MARCHF1: variants seen among roughly 807,000 people sequenced by gnomAD.
The protein encoded by MARCHF1 is E3 ubiquitin-protein ligase MARCHF1.
Under a neutral mutation model 54.2 loss-of-function variants are expected in MARCHF1, and 40 were observed. That is an observed-to-expected ratio of 0.74 (90% CI 0.57 to 0.96). MARCHF1 has a LOEUF of 0.96. MARCHF1 is among the 40% of genes least tolerant of loss of function. The pLI, the probability that MARCHF1 is intolerant of heterozygous loss-of-function variation, is 0.00. For missense variants in MARCHF1, 586 were observed against 656.5 expected (o/e 0.89, Z 1.17); for synonymous variants, 236 against 236.3 (o/e 1.00, Z 0.01).
intron 1 of MARCHF1, among the ~76,000 whole-genome samples, chr4:164,320,656 C>T (rs1735116918): frequency 1.3e-5 from 2 of 152,174 alleles, no homozygotes; most frequent in Admixed American, 6.5e-5. Context: ...AAACAGAAAA[C>T]CGGTCAATTT....
At chr4:164,308,872 T>G (rs1226278405) in intron 1 of MARCHF1, among the ~76,000 whole-genome samples, 1 of 151,618 alleles carries the variant, frequency 6.6e-6, no homozygotes, top group Non-Finnish European at 1.5e-5. Context: ...TAGTGCCTGG[T>G]TGATGAAATA....
intron 1 of MARCHF1, among the ~76,000 whole-genome samples, chr4:164,224,775 T>C (rs552598538): frequency 6.6e-6 from 1 of 152,190 alleles, no homozygotes; most frequent in Non-Finnish European, 1.5e-5. Flanking sequence ...TTAAATATCA[T>C]ATTAACTTTA....
intron 2 of MARCHF1, among the ~76,000 whole-genome samples, chr4:163,989,172 C>G (rs1336743674): frequency 6.6e-6 from 1 of 152,132 alleles, no homozygotes; most frequent in Non-Finnish European, 1.5e-5. Flanking sequence ...AGCCAAATCT[C>G]TTCCTTGAGA....
At chr4:164,035,260 A>T (rs1254510044) in intron 2 of MARCHF1, among the ~76,000 whole-genome samples, 1 of 152,102 alleles carries the variant, frequency 6.6e-6, no homozygotes, top group South Asian at 2.1e-4. Context: ...TCAGAAACAT[A>T]TAAGTCATTA....
At chr4:164,144,027 T>C (rs973038934) in intron 1 of MARCHF1, among the ~76,000 whole-genome samples, 5 of 152,158 alleles carry the variant, frequency 3.3e-5, no homozygotes, top group Non-Finnish European at 7.3e-5. Flanking sequence ...AATCCTAGTC[T>C]CTGATAAAAC....
chr4:163,941,597 A>G (rs1030142986), intron 3 of MARCHF1, among the ~76,000 whole-genome samples: 2 of 152,122 alleles, frequency 1.3e-5, no homozygotes, highest in East Asian at 1.9e-4. Context: ...CATAACAAAC[A>G]ACAAAATACA....
chr4:164,031,618 T>C (rs1455750762), intron 2 of MARCHF1, among the ~76,000 whole-genome samples: 1 of 152,186 alleles, frequency 6.6e-6, no homozygotes, highest in Non-Finnish European at 1.5e-5. Context: ...TTTCTGTGTA[T>C]GTGACGGATT....
At chr4:164,168,804 C>CTGAT (rs1437791632) in intron 1 of MARCHF1, among the ~76,000 whole-genome samples, 1 of 152,018 alleles carries the variant, frequency 6.6e-6, no homozygotes, top group African/African-American at 2.4e-5. Flanking sequence ...AACTTTACTA[C>CTGAT]TGATAGCCTA....
intron 5 of MARCHF1, among the ~76,000 whole-genome samples, chr4:163,628,035 G>T (rs1741934194): frequency 6.6e-6 from 1 of 151,982 alleles, no homozygotes; most frequent in South Asian, 2.1e-4. Flanking sequence ...AGATTTTCTA[G>T]ATGAGGCACT....
intron 5 of MARCHF1, among the ~76,000 whole-genome samples, chr4:163,672,081 G>T (rs1047406532): frequency 6.6e-6 from 1 of 152,028 alleles, no homozygotes; most frequent in African/African-American, 2.4e-5. Context: ...CAGGCTCAGG[G>T]GTCTGATATC....
intron 4 of MARCHF1, among the ~76,000 whole-genome samples, chr4:163,763,075 T>C (rs985901945): frequency 6.6e-6 from 1 of 152,060 alleles, no homozygotes; most frequent in African/African-American, 2.4e-5. Flanking sequence ...AGAGAAACCT[T>C]AAATGAGACT....
intron 2 of MARCHF1, among the ~76,000 whole-genome samples, chr4:164,047,034 T>G (rs1276565215): frequency 6.6e-6 from 1 of 152,198 alleles, no homozygotes; most frequent in African/African-American, 2.4e-5. Flanking sequence ...CAAGAAAATG[T>G]AAACTTTTAT....
At chr4:164,148,529 T>G (rs1729836316) in intron 1 of MARCHF1, among the ~76,000 whole-genome samples, 1 of 152,166 alleles carries the variant, frequency 6.6e-6, no homozygotes, top group African/African-American at 2.4e-5. Flanking sequence ...ATGTTTTCAG[T>G]CTGTAAAAAT....
chr4:163,839,385 A>C (rs1324432000), intron 4 of MARCHF1, among the ~76,000 whole-genome samples: 1 of 152,092 alleles, frequency 6.6e-6, no homozygotes, highest in Non-Finnish European at 1.5e-5. Context: ...AGAATATAAA[A>C]ATATAGGTTC....
chr4:163,834,662 T>C (rs969516456), intron 4 of MARCHF1, among the ~76,000 whole-genome samples: 2 of 130,698 alleles, frequency 1.5e-5, no homozygotes, highest in Non-Finnish European at 3.1e-5. Context: ...ATGGATGAAA[T>C]TGGAAATCAT....
intron 3 of MARCHF1, among the ~76,000 whole-genome samples, chr4:163,912,971 CTAGA>C (rs1751227521): frequency 6.6e-6 from 1 of 152,066 alleles, no homozygotes; most frequent in Non-Finnish European, 1.5e-5. Flanking sequence ...AAGGCTCTTC[CTAGA>C]TAAATGACAC....
intron 5 of MARCHF1, among the ~76,000 whole-genome samples, chr4:163,657,119 T>A (rs998719885): frequency 1.3e-5 from 2 of 152,126 alleles, no homozygotes; most frequent in African/African-American, 4.8e-5. Flanking sequence ...GAGCTCAAGT[T>A]GTCTTTGTTT....
chr4:164,115,372 A>T (rs778791107), intron 1 of MARCHF1, among the ~76,000 whole-genome samples: 1 of 152,092 alleles, frequency 6.6e-6, no homozygotes, highest in Non-Finnish European at 1.5e-5. Context: ...AAATGAAGAT[A>T]TGGCATGTTG....
intron 1 of MARCHF1, among the ~76,000 whole-genome samples, chr4:164,240,480 T>C (rs957687185): frequency 1.2e-4 from 18 of 152,122 alleles, no homozygotes; most frequent in Non-Finnish European, 2.1e-4. Context: ...TGCTCCCAGA[T>C]TGTTACTCCC....
Sources: gnomAD v4.1 joint callset for allele counts (sites outside exome capture counted in the v4.1 genomes callset) on GRCh38, gnomAD v4.1.1 for gene constraint, MANE v1.5 for transcripts, NCBI Gene and HGNC (gene_info 2026-07-23, HGNC 2026-07-21) for gene names.